DYNC1LI1: variants seen among roughly 807,000 people sequenced by gnomAD.
The protein encoded by DYNC1LI1 is cytoplasmic dynein 1 light intermediate chain 1.
In DYNC1LI1, 19 loss-of-function variants were observed where a neutral mutation model predicts 63.8. The observed-to-expected ratio is 0.30, with a 90% CI of 0.21 to 0.44. The LOEUF is 0.44. DYNC1LI1 is among the 20% of genes least tolerant of loss of function. The pLI is 1.00. For synonymous variants in DYNC1LI1, 225 were observed against 232.3 expected, an observed-to-expected ratio of 0.97 and a Z score of 0.28; for missense variants, 565 against 630.2, an observed-to-expected ratio of 0.90 and a Z score of 1.11.
Position 32,545,912 on chromosome 3 carries a change from C to T in DYNC1LI1, c.274G>A (p.Glu92Lys). The T allele has an allele frequency of 6.2e-7, 1 of 1,613,134 alleles. No homozygotes were observed. The highest frequency in any genetic ancestry group is 8.5e-7 in the Non-Finnish European group (1 of 1,179,370). Residue 92 changes from glutamate to lysine, a missense_variant, in exon 3 of 13, where the codon GAG (glutamate) becomes AAG (lysine). Physicochemically the swap from Glu to Lys is moderately conservative, Grantham distance 56. Coordinates refer to ENST00000273130, the MANE Select transcript of DYNC1LI1 (RefSeq NM_016141.4). The part of the protein sequence containing the change: ...SLIRKIQGIE[E>K]YKKGRGLEYL... ...TCCAATCCTCTTCCTTTCTTATACT[C>T]CTCTATTCCCTGAATTTTTCTTATT...
At chr3:32,527,411 T>G (rs1697635426) in intron 12 of DYNC1LI1, among the ~76,000 whole-genome samples, 1 of 152,144 alleles carries the variant, frequency 6.6e-6, no homozygotes, top group Non-Finnish European at 1.5e-5. Flanking sequence ...ATAAAGGTTT[T>G]TTTTTTTAAG....
chr3:32,570,653 C>T lies in DYNC1LI1; in HGVS notation c.118G>A (p.Gly40Ser). 6.3e-7 allele frequency: 1 copy of T among 1,595,686 alleles called. No homozygotes were observed. Among genetic ancestry groups the T allele is most frequent in the Non-Finnish European group, 8.5e-7 (1 of 1,171,972 alleles). Reference sequence around the variant, plus strand: ...AGGTTCTGCCCGTCCTCGTCGTCGCCTGCCGCGGCGCCACCGTTGCCCGAC... The same window carrying T: ...AGGTTCTGCCCGTCCTCGTCGTCGCTTGCCGCGGCGCCACCGTTGCCCGAC... Reference protein sequence around the residue: ...IASGNGGAAAGDDEDGQNLWS... With the variant: ...IASGNGGAAASDDEDGQNLWS... The change falls in exon 1 of 13, where the codon GGC becomes AGC. Residue 40 changes from glycine to serine, a missense_variant. Transcript: ENST00000273130.
chr3:32,542,278 T>C (rs1697892829), intron 4 of DYNC1LI1, among the ~76,000 whole-genome samples: 1 of 152,224 alleles, frequency 6.6e-6, no homozygotes, highest in East Asian at 1.9e-4. Context: ...TAACTTTTTA[T>C]TTTTGTAGAG....
rs759912212 is a variant in DYNC1LI1, at chr3:32,544,913, T to G, written c.531A>C (p.Lys177Asn). 6.2e-7 allele frequency: 1 copy of G among 1,613,972 alleles called. No homozygotes were observed. The highest frequency in any genetic ancestry group is 2.2e-5 in the East Asian group (1 of 44,874). Residue 177 changes from lysine (K) to asparagine (N), a missense_variant, in exon 4 of 13, where the codon AAA becomes AAC. Lys to Asn is a moderately conservative substitution (Grantham distance 94, BLOSUM62 0). Transcript: ENST00000273130. ...SVVREHVDKL[K>N]IPPEEMKQME... ...TTTGTTTCATTTCTTCAGGAGGGAT[T>G]TTCAGTTTGTCAACATGTTCTCTAA... is the stretch of plus-strand genomic sequence containing the variant.
At chr3:32,570,525 G>C in intron 1 of DYNC1LI1, 100 bp downstream of exon 1, 4 of 1,482,670 alleles carry the variant, frequency 2.7e-6, no homozygotes, top group Non-Finnish European at 3.6e-6. Context: ...GGAACGCAGT[G>C]GCCGGGCCCG....
intron 4 of DYNC1LI1, among the ~76,000 whole-genome samples, chr3:32,544,668 G>A (rs1241721662): frequency 1.3e-5 from 2 of 151,676 alleles, no homozygotes; most frequent in Admixed American, 6.6e-5. Context: ...CTTGAACCCA[G>A]GAGGCAGAGG....
At position 32,570,805 on chromosome 3, in the gene DYNC1LI1, A is replaced by G. The variant is rs375763931; in HGVS notation, c.-35T>C. ...GAATCACACCACTCCCGGCAAGACT[A>G]AATGTGCGAGGCGGCTGAGGCGGTG... is the stretch of plus-strand genomic sequence containing the variant. On this transcript the variant is annotated 5_prime_UTR_variant, in exon 1 of 13. Transcript: ENST00000273130. 2.4e-4 allele frequency: 380 copies of G among 1,586,374 alleles called. No individual in the cohort carries two copies. Among genetic ancestry groups the G allele is most frequent in the Non-Finnish European group, 3.1e-4 (361 of 1,163,980 alleles).
intron 2 of DYNC1LI1, among the ~76,000 whole-genome samples, chr3:32,558,846 CA>C (rs35953455): frequency 0.29 from 38,087 of 131,868 alleles, 4,958 homozygotes; most frequent in African/African-American, 0.34. Flanking sequence ...AACTCCATCT[CA>C]AAAAAAAAAA....
chr3:32,546,541 T>C (rs1361398922), intron 2 of DYNC1LI1, among the ~76,000 whole-genome samples: 1 of 152,236 alleles, frequency 6.6e-6, no homozygotes, highest in African/African-American at 2.4e-5. Flanking sequence ...GAAGGTAAAG[T>C]GAAACACCTT....
chr3:32,526,955 A>G lies in DYNC1LI1; in HGVS notation c.1463-47T>C, dbSNP rs747507317. ...AAAACAAGATTTAGATATAAGTGAA[A>G]GTATCGTTTTCACCAATATCTCTTC... On this transcript the variant is annotated intron_variant, in intron 12 of 12. Coordinates refer to ENST00000273130, the MANE Select transcript of DYNC1LI1 (RefSeq NM_016141.4). 18 of 1,373,068 alleles carry G rather than the reference A, an allele frequency of 1.3e-5. 1 individual carries two copies. Among genetic ancestry groups the G allele is most frequent in the Middle Eastern group, 3.6e-4 (2 of 5,486 alleles). The allele number at this position is 1,373,068 out of a possible 1,614,324, so 85.1% of individuals were successfully genotyped here. A position where few individuals can be genotyped will look rare whatever the true frequency, so the allele number is the denominator to read the frequency against.
intron 4 of DYNC1LI1, 147 bp from the exon 5 acceptor site, chr3:32,541,353 A>G: frequency 1.7e-6 from 1 of 578,318 alleles, no homozygotes. Context: ...ACCTATTTCA[A>G]AGAGAATATA....
Position 32,545,002 on chromosome 3 carries a change from G to T in DYNC1LI1, c.442C>A (p.Leu148Met). 1 of 1,613,978 alleles carries T rather than the reference G, an allele frequency of 6.2e-7. No individual in the cohort carries two copies. The highest frequency in any genetic ancestry group is 8.5e-7 in the Non-Finnish European group (1 of 1,179,870). ...CAAGGCTTTGACATGTCAACAACCA[G>T]CATAACTAGAGTATCCTTCAGAGAT... ...AVSLKDTLVM[L>M]VVDMSKPWTA... Residue 148 changes from leucine (L) to methionine (M), a missense_variant, in exon 4 of 13, where the codon CTG (leucine) becomes ATG (methionine). Leu to Met is a conservative substitution (Grantham distance 15). Transcript: ENST00000273130.
intron 2 of DYNC1LI1, among the ~76,000 whole-genome samples, chr3:32,556,095 C>T (rs1698111018): frequency 6.6e-6 from 1 of 152,324 alleles, no homozygotes; most frequent in East Asian, 1.9e-4. Flanking sequence ...TCTAGACACA[C>T]AATTTCTTTC....
intron 11 of DYNC1LI1, among the ~76,000 whole-genome samples, chr3:32,528,948 A>G (rs1167416050): frequency 6.6e-6 from 1 of 152,218 alleles, no homozygotes; most frequent in East Asian, 1.9e-4. Context: ...ACAGAATCCT[A>G]TATGAAAACC....
At chr3:32,550,139 A>G (rs530159071) in intron 2 of DYNC1LI1, among the ~76,000 whole-genome samples, 34 of 152,330 alleles carry the variant, frequency 2.2e-4, no homozygotes, top group Middle Eastern at 6.8e-3. Flanking sequence ...CATGACATCA[A>G]AAATACTATT....
intron 2 of DYNC1LI1, among the ~76,000 whole-genome samples, chr3:32,552,699 T>C (rs1279786496): frequency 1.3e-5 from 2 of 150,772 alleles, no homozygotes; most frequent in African/African-American, 2.5e-5. Context: ...ACTTTTGCTG[T>C]TGTTGTTGTT....
chr3:32,549,685 A>G (rs1245339290), intron 2 of DYNC1LI1, among the ~76,000 whole-genome samples: 1 of 152,182 alleles, frequency 6.6e-6, no homozygotes, highest in East Asian at 1.9e-4. Context: ...CCCAGGATTT[A>G]TCTTATTTCT....
intron 2 of DYNC1LI1, among the ~76,000 whole-genome samples, chr3:32,563,590 C>A (rs1157452900): frequency 6.6e-6 from 1 of 152,186 alleles, no homozygotes; most frequent in Non-Finnish European, 1.5e-5. Flanking sequence ...CCACGCCCGG[C>A]CACTTAGACT....
intron 2 of DYNC1LI1, among the ~76,000 whole-genome samples, chr3:32,566,331 C>G (rs1387454744): frequency 2.0e-5 from 3 of 152,232 alleles, no homozygotes; most frequent in Admixed American, 6.5e-5. Flanking sequence ...TGTAAACAAT[C>G]CTTACATGAC....
Sources: gnomAD v4.1 joint callset for allele counts (sites outside exome capture counted in the v4.1 genomes callset) on GRCh38, gnomAD v4.1.1 for gene constraint, MANE v1.5 for transcripts, NCBI Gene and HGNC (gene_info 2026-07-23, HGNC 2026-07-21) for gene names.